The following ANO6 variants were observed in gnomAD, a reference collection of about 807,000 sequenced individuals.
ANO6 encodes anoctamin-6.
Under a neutral mutation model 117.5 loss-of-function variants are expected in ANO6, and 106 were observed. The observed-to-expected ratio is 0.90, with a 90% CI of 0.77 to 1.06. The LOEUF is 1.06. Ranked by LOEUF, ANO6 falls within the 50% of genes least tolerant of loss-of-function variation. The pLI is 0.00. For synonymous variants in ANO6, 367 were observed against 385.1 expected, an observed-to-expected ratio of 0.95 and a Z score of 0.55; for missense variants, 955 against 1,121.1, an observed-to-expected ratio of 0.85 and a Z score of 2.12.
intron 16 of ANO6, among the ~76,000 whole-genome samples, 184 bp from the exon 17 acceptor site, chr12:45,416,515 C>A (rs768929218): frequency 3.3e-5 from 5 of 152,148 alleles, no homozygotes; most frequent in Non-Finnish European, 7.3e-5. Flanking sequence ...AATCTTCTTT[C>A]CAGAGATTTT....
intron 19 of ANO6, among the ~76,000 whole-genome samples, chr12:45,424,342 T>TTG (rs1943444607): frequency 7.8e-6 from 1 of 128,708 alleles, no homozygotes; most frequent in East Asian, 2.8e-4. Context: ...TTTTTTTTTT[T>TTG]TTTTTTTTTT....
intron 9 of ANO6, among the ~76,000 whole-genome samples, chr12:45,375,327 C>A (rs1311165541): frequency 6.6e-6 from 1 of 152,200 alleles, no homozygotes; most frequent in Non-Finnish European, 1.5e-5. Flanking sequence ...CTACCAATGC[C>A]TTTCTTCACA....
intron 1 of ANO6, among the ~76,000 whole-genome samples, chr12:45,227,415 A>C (rs929401838): frequency 6.6e-6 from 1 of 152,198 alleles, no homozygotes; most frequent in Non-Finnish European, 1.5e-5. Context: ...ACCTCAGTTT[A>C]TGGTCACCTA....
At chr12:45,349,590 A>G (rs1203254429) in intron 6 of ANO6, among the ~76,000 whole-genome samples, 1 of 152,180 alleles carries the variant, frequency 6.6e-6, no homozygotes, top group African/African-American at 2.4e-5. Flanking sequence ...GAAAGTAAAG[A>G]CTGAGATTGG....
chr12:45,302,537 G>A (rs969410978), intron 2 of ANO6, among the ~76,000 whole-genome samples: 12 of 152,076 alleles, frequency 7.9e-5, no homozygotes, highest in African/African-American at 2.9e-4. Flanking sequence ...CAACCTACAT[G>A]TATCTTGTAG....
chr12:45,312,816 T>G (rs1939889867), intron 2 of ANO6, among the ~76,000 whole-genome samples: 1 of 152,060 alleles, frequency 6.6e-6, no homozygotes, highest in Non-Finnish European at 1.5e-5. Context: ...CTCCATTAAT[T>G]GTAATGGGCA....
At chr12:45,416,628 C>G in intron 16 of ANO6, 71 bp from the exon 17 acceptor site, 2 of 1,475,856 alleles carry the variant, frequency 1.4e-6, no homozygotes, top group South Asian at 2.3e-5. Context: ...CTTTCTCTTT[C>G]AAGAGTAAAG....
At chr12:45,229,445 A>G (rs1402128172) in intron 1 of ANO6, among the ~76,000 whole-genome samples, 3 of 141,046 alleles carry the variant, frequency 2.1e-5, no homozygotes, top group Non-Finnish European at 4.5e-5. Flanking sequence ...GCTGGAGTGC[A>G]ATGGCGTGAT....
At chr12:45,242,512 C>T (rs369951894) in intron 1 of ANO6, among the ~76,000 whole-genome samples, 48 of 152,332 alleles carry the variant, frequency 3.2e-4, no homozygotes, top group African/African-American at 1.0e-3. Flanking sequence ...GGAAATCCCC[C>T]GACCCCTTGT....
Position 45,399,718 on chromosome 12 carries a change from AGAG to A in ANO6, c.1387-2073_1387-2071del, listed in dbSNP as rs895367929. 4.6e-5 allele frequency among the ~76,000 whole-genome samples: 7 copies of A among 152,184 alleles called. No individual in the cohort carries two copies. In the South Asian group the frequency reaches 6.2e-4, roughly 14 times the overall value. On this transcript the variant is annotated intron_variant, in intron 12 of 19. Coordinates refer to ENST00000320560, the MANE Select transcript of ANO6 (RefSeq NM_001025356.3). ...CCACCTAAACCCCAGGGCTAAAAACAGAGGAGTTCTTTCCCCTGAAGCAAAATC... is the reference window on the plus strand; with the variant it reads ...CCACCTAAACCCCAGGGCTAAAAACAGAGTTCTTTCCCCTGAAGCAAAATC...
intron 1 of ANO6, 137 bp from the exon 2 acceptor site, chr12:45,301,877 C>A: frequency 1.4e-6 from 1 of 727,580 alleles, no homozygotes; most frequent in South Asian, 1.6e-5. Flanking sequence ...TATCTGATAG[C>A]TGAAAGGGTT....
intron 7 of ANO6, among the ~76,000 whole-genome samples, chr12:45,354,397 A>G (rs1593004509): frequency 1.3e-5 from 2 of 152,322 alleles, no homozygotes; most frequent in East Asian, 3.9e-4. Context: ...AGTATGAGGA[A>G]TTTTCACAGT....
At chr12:45,269,778 T>G (rs1344583465) in intron 1 of ANO6, among the ~76,000 whole-genome samples, 1 of 152,252 alleles carries the variant, frequency 6.6e-6, no homozygotes, top group Non-Finnish European at 1.5e-5. Flanking sequence ...CAGCCATGTG[T>G]GGTACAGTCC....
At chr12:45,227,834 C>T (rs1565631718) in intron 1 of ANO6, among the ~76,000 whole-genome samples, 1 of 152,182 alleles carries the variant, frequency 6.6e-6, no homozygotes, top group Non-Finnish European at 1.5e-5. Flanking sequence ...GCTGCAGACA[C>T]ATGCATTTAA....
Position 45,416,710 on chromosome 12 carries a change from G to C in ANO6, c.2023G>C (p.Gly675Arg). Residue 675 changes from glycine (G) to arginine (R), a missense_variant, in exon 17 of 20, where the codon GGG becomes CGG. Transcript: ENST00000320560. ...YEYLEMIIQF[G>R]FVTLFVASFP... Reference sequence around the variant, plus strand: ...CATTCCATTGACAGTTATTCAGTTTGGGTTCGTCACCTTATTTGTGGCCTC... The same window carrying C: ...CATTCCATTGACAGTTATTCAGTTTCGGTTCGTCACCTTATTTGTGGCCTC... The C allele has an allele frequency of 6.2e-7, 1 of 1,614,006 alleles. No homozygotes were observed. The highest frequency in any genetic ancestry group is 8.5e-7 in the Non-Finnish European group (1 of 1,179,950).
At chr12:45,269,678 G>A (rs909809261) in intron 1 of ANO6, among the ~76,000 whole-genome samples, 4 of 152,268 alleles carry the variant, frequency 2.6e-5, no homozygotes, top group Non-Finnish European at 1.5e-5. Context: ...AGAACACACC[G>A]TGGAGCCATT....
intron 1 of ANO6, among the ~76,000 whole-genome samples, chr12:45,226,946 A>G (rs1947491010): frequency 6.8e-6 from 1 of 147,392 alleles, no homozygotes; most frequent in South Asian, 2.2e-4. Context: ...AACATAAGAT[A>G]TTCTTTATTT....
chr12:45,352,613 C>T (rs1024418269), intron 7 of ANO6, among the ~76,000 whole-genome samples: 5 of 150,242 alleles, frequency 3.3e-5, no homozygotes, highest in Non-Finnish European at 7.4e-5. Context: ...CACCTGTAGT[C>T]CCAGCTACTC....
intron 12 of ANO6, among the ~76,000 whole-genome samples, chr12:45,391,759 T>C (rs572212277): frequency 1.3e-5 from 2 of 152,228 alleles, no homozygotes; most frequent in Admixed American, 6.5e-5. Flanking sequence ...CTTGGGAGAC[T>C]GAGGCAGGCG....
Sources: gnomAD v4.1 joint callset for allele counts (sites outside exome capture counted in the v4.1 genomes callset) on GRCh38, gnomAD v4.1.1 for gene constraint, MANE v1.5 for transcripts, NCBI Gene and HGNC (gene_info 2026-07-23, HGNC 2026-07-21) for gene names.